Variants in MBTPS1 observed in about 807,000 individuals in gnomAD.
MBTPS1 encodes membrane-bound transcription factor site-1 protease.
A neutral mutation model predicts 127.8 loss-of-function variants in MBTPS1; 94 were observed. That is an observed-to-expected ratio of 0.74 (90% CI 0.62 to 0.87). MBTPS1 has a LOEUF of 0.87. Among genes scored for constraint, MBTPS1 ranks in the 40% least tolerant of loss-of-function variants. The probability of loss-of-function intolerance (pLI) is 0.00; values close to 1 mark genes in which losing one functional copy is unlikely to be tolerated. For synonymous variants in MBTPS1, 632 were observed against 509.4 expected (o/e 1.24, Z -3.24); for missense variants, 1,636 against 1,353.2 (o/e 1.21, Z -3.28).
At chr16:84,074,368 G>C (rs192250323) in intron 12 of MBTPS1, among the ~76,000 whole-genome samples, 19 of 152,092 alleles carry the variant, frequency 1.2e-4, no homozygotes, top group African/African-American at 4.1e-4. Context: ...CTGTGTATCT[G>C]GGACCACGGG....
chr16:84,091,016 C>T (rs1482524511), intron 7 of MBTPS1, 74 bp from the exon 8 acceptor site: 27 of 911,680 alleles, frequency 3.0e-5, no homozygotes, highest in Non-Finnish European at 4.0e-5. Flanking sequence ...AAAAAAAAAA[C>T]CATACACAAC....
At chr16:84,076,524 G>C (rs1373499890) in intron 11 of MBTPS1, among the ~76,000 whole-genome samples, 1 of 152,156 alleles carries the variant, frequency 6.6e-6, no homozygotes, top group African/African-American at 2.4e-5. Flanking sequence ...CATATGGTAG[G>C]TTAGTACACC....
Position 84,081,728 on chromosome 16 carries a change from G to A in MBTPS1, c.1448+19C>T, listed in dbSNP as rs775786294. 1.3e-5 allele frequency: 17 copies of A among 1,342,282 alleles called. No individual in the cohort carries two copies. Among genetic ancestry groups the A allele is most frequent in the Middle Eastern group, 4.0e-4 (2 of 5,034 alleles). The allele number at this position is 1,342,282 out of a possible 1,614,324, so 83.1% of individuals were successfully genotyped here. A position where few individuals can be genotyped will look rare whatever the true frequency, so the allele number is the denominator to read the frequency against. On this transcript the variant is annotated intron_variant, in intron 11 of 22. Coordinates refer to ENST00000343411, the MANE Select transcript of MBTPS1 (RefSeq NM_003791.4). ...CCAGTGAAGGAGAGAAAGACCCATC[G>A]GCAGGGCGGTGCACTGACCTTGCCT...
At chr16:84,065,461 G>A (rs906035029) in intron 18 of MBTPS1, among the ~76,000 whole-genome samples, 12 of 152,226 alleles carry the variant, frequency 7.9e-5, no homozygotes, top group South Asian at 2.1e-4. Flanking sequence ...TTCTTATTGC[G>A]GTGATAAAAT....
intron 8 of MBTPS1, among the ~76,000 whole-genome samples, chr16:84,087,977 G>A (rs2086054919): frequency 1.3e-5 from 2 of 152,158 alleles, no homozygotes; most frequent in South Asian, 4.1e-4. Flanking sequence ...CTGTGGTGGT[G>A]TTCTACCCTC....
In MBTPS1 at chr16:84,070,633, A is replaced by G. The variant is rs2085756548; in HGVS notation, c.1737T>C (p.Ala579=). The change falls in exon 13 of 23, where the codon GCT becomes GCC. Residue 579 remains alanine, a synonymous_variant. Coordinates refer to ENST00000343411, the MANE Select transcript of MBTPS1 (RefSeq NM_003791.4). ...TKKAASWEGI[A]QGHVMITVAS... ...CCACAGTGATCATGACATGGCCCTG[A>G]GCAATGCCTTCCCAGGAAGCCGCTT... The G allele has an allele frequency of 3.7e-6, 6 of 1,613,434 alleles. No individual in the cohort carries two copies. The highest frequency in any genetic ancestry group is 1.7e-6 in the Non-Finnish European group (2 of 1,179,908).
chr16:84,095,784 T>G lies in MBTPS1; in HGVS notation c.443A>C (p.Asn148Thr), dbSNP rs138518499. 6.2e-7 allele frequency: 1 copy of G among 1,613,790 alleles called. No individual in the cohort carries two copies. Among genetic ancestry groups the G allele is most frequent in the Admixed American group, 1.7e-5 (1 of 60,004 alleles). ...YAESDPTVPCNETRWSQKWQS... is the reference protein window; with the variant it reads ...YAESDPTVPCTETRWSQKWQS... ...CCACTTCTGGCTCCACCGGGTTTCA[T>G]TGCAGGGTACTGTGGGGTCAGCTAC... The change falls in exon 4 of 23, where the codon AAT becomes ACT. Residue 148 changes from asparagine to threonine, a missense_variant. By Grantham distance (65) the Asn-to-Thr change is moderately conservative. Transcript: ENST00000343411.
intron 1 of MBTPS1, among the ~76,000 whole-genome samples, chr16:84,113,080 GC>G (rs539990564): frequency 1.3e-4 from 20 of 151,910 alleles, no homozygotes; most frequent in African/African-American, 4.3e-4. Flanking sequence ...ATATACTAGA[GC>G]TTAAAAGGGA....
Position 84,102,026 on chromosome 16 carries a change from C to G in MBTPS1, c.-243G>C. On this transcript the variant is annotated 5_prime_UTR_variant, in exon 2 of 23. Transcript: ENST00000343411. ...GAAATAAGGCTTCTCTCACTCAGGC[C>G]GTGACGACTGAGTCCTGTACTCCAT... The G allele has an allele frequency of 2.1e-6, 1 of 472,668 alleles. No individual in the cohort carries two copies. Among genetic ancestry groups the G allele is most frequent in the Non-Finnish European group, 3.8e-6 (1 of 261,498 alleles). The allele number at this position is 472,668 out of a possible 1,614,324, so 29.3% of individuals were successfully genotyped here. A position where few individuals can be genotyped will look rare whatever the true frequency, so the allele number is the denominator to read the frequency against.
At chr16:84,067,187 A>G (rs2085697760) in intron 16 of MBTPS1, among the ~76,000 whole-genome samples, 1 of 152,194 alleles carries the variant, frequency 6.6e-6, no homozygotes, top group Non-Finnish European at 1.5e-5. Flanking sequence ...AGAGAGTGGA[A>G]AAGAATTAAA....
Position 84,066,633 on chromosome 16 carries a change from C to T in MBTPS1, c.2229-20G>A, listed in dbSNP as rs760098674. ...CACTGCCTGGGAAAGTGGTAACAGACACACAGGGAACAGGGAATGAAGACA... is the reference window on the plus strand; with the variant it reads ...CACTGCCTGGGAAAGTGGTAACAGATACACAGGGAACAGGGAATGAAGACA... On this transcript the variant is annotated intron_variant, in intron 16 of 22. Transcript: ENST00000343411. 4.3e-6 allele frequency: 7 copies of T among 1,613,196 alleles called. No homozygotes were observed. Among genetic ancestry groups the T allele is most frequent in the Non-Finnish European group, 5.1e-6 (6 of 1,179,558 alleles).
intron 8 of MBTPS1, among the ~76,000 whole-genome samples, chr16:84,088,887 G>T (rs533458036): frequency 1.3e-5 from 2 of 152,332 alleles, no homozygotes; most frequent in South Asian, 2.1e-4. Flanking sequence ...ACAGCCAGCA[G>T]GTGGCCAGGT....
At chr16:84,078,367 C>T (rs1408816750) in intron 11 of MBTPS1, among the ~76,000 whole-genome samples, 3 of 108,276 alleles carry the variant, frequency 2.8e-5, no homozygotes, top group African/African-American at 1.1e-4. Context: ...ACAGAGCTAC[C>T]CGATGCTCTC....
At chr16:84,107,358 T>C (rs1307216808) in intron 1 of MBTPS1, among the ~76,000 whole-genome samples, 1 of 152,106 alleles carries the variant, frequency 6.6e-6, no homozygotes, top group Non-Finnish European at 1.5e-5. Context: ...GGAAGGTGCC[T>C]TCAAGTGTAA....
chr16:84,076,209 TAC>T (rs2085852602), intron 11 of MBTPS1, among the ~76,000 whole-genome samples: 1 of 152,108 alleles, frequency 6.6e-6, no homozygotes, highest in East Asian at 1.9e-4. Context: ...TGAAAAAACA[TAC>T]AAAATTCAAT....
intron 20 of MBTPS1, chr16:84,059,697 C>A: frequency 4.4e-6 from 1 of 228,990 alleles, no homozygotes. Flanking sequence ...ACTGGCTGGT[C>A]AAACTTTGCT....
chr16:84,074,260 G>A (rs1462774475), intron 12 of MBTPS1, among the ~76,000 whole-genome samples: 1 of 150,678 alleles, frequency 6.6e-6, no homozygotes, highest in Non-Finnish European at 1.5e-5. Context: ...TCCCAGACAA[G>A]GTCTTGCTCT....
chr16:84,099,203 T>C lies in MBTPS1; in HGVS notation c.271A>G (p.Asn91Asp), dbSNP rs758470266. Reference sequence around the variant, plus strand: ...CTAGGGTAGTCACTGGATGGATTGTTTCGAGGTATAATTCTCCAATTGTCT... The same window carrying C: ...CTAGGGTAGTCACTGGATGGATTGTCTCGAGGTATAATTCTCCAATTGTCT... ...EVDNWRIIPR[N>D]NPSSDYPSDF... Residue 91 changes from asparagine (N) to aspartate (D), a missense_variant, in exon 3 of 23, where the codon AAC becomes GAC. Coordinates refer to ENST00000343411, the MANE Select transcript of MBTPS1 (RefSeq NM_003791.4). 3.0e-5 allele frequency: 48 copies of C among 1,614,188 alleles called. No individual in the cohort carries two copies. The highest frequency in any genetic ancestry group is 4.0e-5 in the Non-Finnish European group (47 of 1,180,020).
chr16:84,056,072 A>G lies in MBTPS1; in HGVS notation c.2895T>C (p.Phe965=), dbSNP rs374694028. Residue 965 remains phenylalanine, a synonymous_variant, in exon 22 of 23, where the codon TTT becomes TTC. Transcript: ENST00000343411. ...GCCTCACTTGAGGGCGATTCGATCG[A>G]AAGTTGGGTAACACCACCTTGTCCA... The part of the protein sequence containing the change: ...IDLDKVVLPN[F]RSNRPQVRPL... The G allele has an allele frequency of 1.1e-5, 18 of 1,614,038 alleles. No homozygotes were observed. The South Asian group carries it at 1.8e-4, about 16-fold the overall frequency.
Sources: gnomAD v4.1 joint callset for allele counts (sites outside exome capture counted in the v4.1 genomes callset) on GRCh38, gnomAD v4.1.1 for gene constraint, MANE v1.5 for transcripts, NCBI Gene and HGNC (gene_info 2026-07-23, HGNC 2026-07-21) for gene names.